NIPSNAP2: variants seen among roughly 807,000 people sequenced by gnomAD.
NIPSNAP2 encodes the protein nipsnap homolog 2, also known as protein NipSnap homolog 2.
A neutral mutation model predicts 48.4 loss-of-function variants in NIPSNAP2; 42 were observed. The ratio of observed to expected loss-of-function variants is 0.87; its 90% CI spans 0.68 to 1.12. The LOEUF is 1.12. Ranked by LOEUF, NIPSNAP2 falls within the 50% of genes most tolerant of loss-of-function variation. The pLI, the probability that NIPSNAP2 is intolerant of heterozygous loss-of-function variation, is 0.00. For synonymous variants in NIPSNAP2, 158 were observed against 126.6 expected (o/e 1.25, Z -1.67); for missense variants, 314 against 347.3 (o/e 0.90, Z 0.76).
chr7:55,993,289 C>T (rs1185842434), intron 7 of NIPSNAP2, among the ~76,000 whole-genome samples: 3 of 149,454 alleles, frequency 2.0e-5, no homozygotes, highest in East Asian at 2.0e-4. Context: ...AGTAAGACTC[C>T]GTCTAAAAAA....
intron 1 of NIPSNAP2, among the ~76,000 whole-genome samples, chr7:55,974,937 T>C (rs1787080437): frequency 6.7e-6 from 1 of 150,094 alleles, no homozygotes; most frequent in Non-Finnish European, 1.5e-5. Context: ...CACTGGCCCA[T>C]CAGCATCTGG....
At chr7:55,972,567 G>A (rs921207924) in intron 1 of NIPSNAP2, among the ~76,000 whole-genome samples, 13 of 151,448 alleles carry the variant, frequency 8.6e-5, no homozygotes, top group African/African-American at 3.2e-4. Context: ...TGAGTAGCTG[G>A]GATTACAGGC....
intron 1 of NIPSNAP2, among the ~76,000 whole-genome samples, chr7:55,972,682 G>T (rs1001405010): frequency 1.3e-5 from 2 of 152,004 alleles, no homozygotes; most frequent in African/African-American, 4.8e-5. Context: ...CGCCTCCTTG[G>T]CCTCCCAAAG....
intron 8 of NIPSNAP2, among the ~76,000 whole-genome samples, chr7:55,996,200 C>T (rs554339175): frequency 2.7e-5 from 4 of 150,068 alleles, no homozygotes; most frequent in Non-Finnish European, 4.4e-5. Flanking sequence ...GCAGAAGAAT[C>T]GATTGAACTC....
chr7:55,977,856 A>G (rs563336933), intron 1 of NIPSNAP2, among the ~76,000 whole-genome samples: 1 of 152,238 alleles, frequency 6.6e-6, no homozygotes, highest in East Asian at 1.9e-4. Context: ...GTATCCATGT[A>G]TATTTTTTCT....
At chr7:55,971,233 G>T (rs1474564046) in intron 1 of NIPSNAP2, among the ~76,000 whole-genome samples, 1 of 152,126 alleles carries the variant, frequency 6.6e-6, no homozygotes, top group African/African-American at 2.4e-5. Context: ...GGCAGCTTTG[G>T]TCACCTGACA....
At position 55,978,181 on chromosome 7, in the gene NIPSNAP2, T is replaced by G. The variant is rs1787139841; in HGVS notation, c.148T>G (p.Phe50Val). 1.9e-6 allele frequency: 3 copies of G among 1,614,182 alleles called. No individual in the cohort carries two copies. Among genetic ancestry groups the G allele is most frequent in the East Asian group, 2.2e-5 (1 of 44,882 alleles). Reference sequence around the variant, plus strand: ...AGAAGACAGCTGGCTAAAATCCTTATTTGTCCGGAAAGTTGATCCAAGAAA... The same window carrying G: ...AGAAGACAGCTGGCTAAAATCCTTAGTTGTCCGGAAAGTTGATCCAAGAAA... ...SREDSWLKSLFVRKVDPRKDA... is the reference protein window; with the variant it reads ...SREDSWLKSLVVRKVDPRKDA... The change falls in exon 2 of 10, where the codon TTT becomes GTT. Residue 50 changes from phenylalanine (F) to valine (V), a missense_variant. By Grantham distance (50) the Phe-to-Val change is conservative. Transcript: ENST00000322090.
intron 7 of NIPSNAP2, among the ~76,000 whole-genome samples, chr7:55,992,040 C>A (rs897180068): frequency 1.3e-5 from 2 of 151,976 alleles, no homozygotes; most frequent in East Asian, 3.9e-4. Flanking sequence ...TTTCAATAAT[C>A]AGATTTATAA....
chr7:55,990,828 C>G (rs890358123), intron 7 of NIPSNAP2, among the ~76,000 whole-genome samples: 1 of 148,614 alleles, frequency 6.7e-6, no homozygotes, highest in Non-Finnish European at 1.5e-5. Flanking sequence ...TGCTCTGTTG[C>G]CCAGGCTGGA....
chr7:55,973,909 C>T (rs1787058695), intron 1 of NIPSNAP2, among the ~76,000 whole-genome samples: 1 of 152,052 alleles, frequency 6.6e-6, no homozygotes, highest in South Asian at 2.1e-4. Context: ...GAGAAGATTG[C>T]TCTGTAATGT....
rs1376930956 is a variant in NIPSNAP2, at chr7:55,974,720, C to T, written c.93-3406C>T. On this transcript the variant is annotated intron_variant, in intron 1 of 9. Coordinates refer to ENST00000322090, the MANE Select transcript of NIPSNAP2 (RefSeq NM_001483.3). ...AAAATTAGCCGGGTGTGGCGGCGGG[C>T]GCCTGTAGTCTCAGCTACTCAGGAG... Among the ~76,000 whole-genome samples the T allele has an allele frequency of 9.2e-5, 14 of 151,960 alleles. 1 individual carries two copies. Among genetic ancestry groups the T allele is most frequent in the African/African-American group, 2.9e-4 (12 of 41,462 alleles).
At position 55,973,780 on chromosome 7, in the gene NIPSNAP2, C is replaced by T. The variant is rs138037870; in HGVS notation, c.93-4346C>T. On this transcript the variant is annotated intron_variant, in intron 1 of 9. Transcript: ENST00000322090. ...ATTTAGAAGCGTGAGCCACCACTCC[C>T]GGCCAATATATTTGTATTTGTAAGT... Among the ~76,000 whole-genome samples, 398 of 152,174 alleles carry T rather than the reference C, an allele frequency of 2.6e-3. 4 individuals are homozygous for T. Among genetic ancestry groups the T allele is most frequent in the East Asian group, 0.025 (129 of 5,176 alleles).
intron 1 of NIPSNAP2, among the ~76,000 whole-genome samples, chr7:55,973,473 TTTA>T (rs1372901935): frequency 2.0e-5 from 3 of 151,876 alleles, no homozygotes; most frequent in Admixed American, 2.0e-4. Context: ...TTTATTTTAT[TTTA>T]TTATTATTAC....
chr7:55,983,587 G>A, intron 5 of NIPSNAP2, 141 bp from the exon 6 acceptor site: 1 of 665,182 alleles, frequency 1.5e-6, no homozygotes, highest in Non-Finnish European at 2.5e-6. Flanking sequence ...AAGCTCAACA[G>A]ATGTAAACTG....
At chr7:55,981,611 T>G in intron 4 of NIPSNAP2, 44 bp downstream of exon 4, 2 of 1,262,298 alleles carry the variant, frequency 1.6e-6, no homozygotes, top group Middle Eastern at 1.9e-4. Context: ...TCCTTAAGCC[T>G]TATGTAACAC....
chr7:55,967,664 T>TTTATTTAC, intron 1 of NIPSNAP2, among the ~76,000 whole-genome samples: 1 of 145,194 alleles, frequency 6.9e-6, no homozygotes, highest in African/African-American at 2.6e-5. Flanking sequence ...TATTTATTTA[T>TTTATTTAC]TTGAGACAGA....
intron 1 of NIPSNAP2, among the ~76,000 whole-genome samples, chr7:55,965,422 ACATT>A (rs1786872507): frequency 6.6e-6 from 1 of 151,878 alleles, no homozygotes; most frequent in Non-Finnish European, 1.5e-5. Flanking sequence ...GCTGTTTTCC[ACATT>A]CAAACAGCAA....
In NIPSNAP2 at chr7:55,994,972, G is replaced by A; in HGVS notation, c.696G>A (p.Met232Ile). 6.2e-7 allele frequency: 1 copy of A among 1,613,972 alleles called. No homozygotes were observed. The highest frequency in any genetic ancestry group is 8.5e-7 in the Non-Finnish European group (1 of 1,179,850). Reference protein sequence around the residue: ...GFFSQIGQLYMVHHLWAYRDL... With the variant: ...GFFSQIGQLYIVHHLWAYRDL... Reference sequence around the variant, plus strand: ...TCTCTCAGATTGGGCAGCTGTACATGGTGCACCATCTTTGGGGTATCTGTT... The same window carrying A: ...TCTCTCAGATTGGGCAGCTGTACATAGTGCACCATCTTTGGGGTATCTGTT... Residue 232 changes from methionine to isoleucine, a missense_variant, in exon 8 of 10, where the codon ATG (methionine) becomes ATA (isoleucine). This residue lies in a region of NIPSNAP2 where 116 missense variants were observed against 161.8 expected (regional missense o/e 0.72). Transcript: ENST00000322090.
chr7:55,973,084 TG>T (rs1350623717), intron 1 of NIPSNAP2, among the ~76,000 whole-genome samples: 1 of 151,540 alleles, frequency 6.6e-6, no homozygotes, highest in Non-Finnish European at 1.5e-5. Flanking sequence ...CCAGCCTGAG[TG>T]ACAAAGTGAG....
Sources: gnomAD v4.1 joint callset for allele counts (sites outside exome capture counted in the v4.1 genomes callset) on GRCh38, gnomAD v4.1.1 for gene constraint, gnomAD v4.1.1 regional missense constraint, MANE v1.5 for transcripts, NCBI Gene and HGNC (gene_info 2026-07-23, HGNC 2026-07-21) for gene names.